Variants in RNLS observed in about 807,000 individuals in gnomAD.
RNLS encodes the protein renalase.
RNLS carries 39 observed loss-of-function variants against 39.8 expected under a neutral mutation model. That is an observed-to-expected ratio of 0.98 (90% CI 0.76 to 1.28). RNLS has a LOEUF of 1.28. Among genes scored for constraint, RNLS ranks in the 50% most tolerant of loss-of-function variants. The pLI is 0.00. For synonymous variants in RNLS, 147 were observed against 150.7 expected (o/e 0.98, Z 0.18); for missense variants, 410 against 413.3 (o/e 0.99, Z 0.07).
chr10:88,483,729 T>C (rs1429248225), intron 4 of RNLS, among the ~76,000 whole-genome samples: 1 of 152,104 alleles, frequency 6.6e-6, no homozygotes, highest in Non-Finnish European at 1.5e-5. Context: ...TTGTTCACAC[T>C]TCTTTCCAGA....
At chr10:88,287,627 G>T (rs780781131) in intron 6 of RNLS, among the ~76,000 whole-genome samples, 3 of 152,036 alleles carry the variant, frequency 2.0e-5, no homozygotes, top group African/African-American at 7.2e-5. Context: ...AAGAAAAGAG[G>T]TTTAATTGAC....
downstream of RNLS, among the ~76,000 whole-genome samples, chr10:88,270,544 T>C (rs1842620267): frequency 6.6e-6 from 1 of 152,188 alleles, no homozygotes; most frequent in South Asian, 2.1e-4. Flanking sequence ...AAACCTAAGT[T>C]TCAGCTGCCC....
chr10:88,560,410 GATCAGTCAAAAC>G (rs1199192167), intron 4 of RNLS, among the ~76,000 whole-genome samples: 1 of 151,934 alleles, frequency 6.6e-6, no homozygotes, highest in African/African-American at 2.4e-5. Context: ...TCTGGGAAAC[GATCAGTCAAAAC>G]TGGTCCCACT....
chr10:88,543,593 C>T (rs760379515), intron 4 of RNLS, among the ~76,000 whole-genome samples: 7 of 151,990 alleles, frequency 4.6e-5, no homozygotes, highest in Non-Finnish European at 1.0e-4. Flanking sequence ...GAAGAGCAAA[C>T]CTAAAATACA....
chr10:88,209,002 T>C, the RNLS span, among the ~76,000 whole-genome samples: 2 of 152,120 alleles, frequency 1.3e-5, no homozygotes, highest in African/African-American at 4.8e-5. Context: ...CAGAATCAGA[T>C]ATGATGGCTT....
the RNLS span, among the ~76,000 whole-genome samples, chr10:88,207,760 T>C: frequency 0.015 from 2,214 of 152,256 alleles, 51 homozygotes; most frequent in Middle Eastern, 0.051. Context: ...CTATCACTGC[T>C]TCTAGGATAC....
chr10:88,490,846 G>A (rs1280591569), intron 4 of RNLS, among the ~76,000 whole-genome samples: 1 of 151,768 alleles, frequency 6.6e-6, no homozygotes, highest in Admixed American at 6.6e-5. Context: ...AAAACCCTGG[G>A]GCATTTCAAA....
intron 4 of RNLS, among the ~76,000 whole-genome samples, chr10:88,427,089 A>T (rs547101779): frequency 2.6e-5 from 4 of 152,178 alleles, no homozygotes; most frequent in Admixed American, 6.6e-5. Flanking sequence ...ACCATTTTGC[A>T]AAAAGAAAAT....
the RNLS span, among the ~76,000 whole-genome samples, chr10:88,182,941 C>T: frequency 2.0e-5 from 3 of 151,986 alleles, no homozygotes; most frequent in East Asian, 1.9e-4. Context: ...CCTACATGCC[C>T]GGCACTTACC....
At chr10:88,515,691 G>T (rs1368352856) in intron 4 of RNLS, among the ~76,000 whole-genome samples, 2 of 152,008 alleles carry the variant, frequency 1.3e-5, no homozygotes, top group African/African-American at 4.8e-5. Context: ...TGTATCTTCA[G>T]CCTCTAGCCC....
intron 4 of RNLS, among the ~76,000 whole-genome samples, chr10:88,434,146 C>G (rs556702064): frequency 6.6e-6 from 1 of 152,232 alleles, no homozygotes; most frequent in African/African-American, 2.4e-5. Context: ...TTTGGAGCAT[C>G]GAGGCCATAT....
In RNLS at chr10:88,362,714, A is replaced by G; in HGVS notation, c.538T>C (p.Cys180Arg). ...QGDITTLISE[C>R]QRQQLEAVSY... Reference sequence around the variant, plus strand: ...ACAGCCTCCAGTTGCTGCCTTTGGCATTCACTAATTACTGTGGAAGAAAAA... The same window carrying G: ...ACAGCCTCCAGTTGCTGCCTTTGGCGTTCACTAATTACTGTGGAAGAAAAA... The change falls in exon 5 of 7, where the codon TGC becomes CGC. Residue 180 changes from cysteine (C) to arginine (R), a missense_variant. Physicochemically the swap from Cys to Arg is radical, Grantham distance 180 (BLOSUM62 -3). Coordinates refer to ENST00000331772, the MANE Select transcript of RNLS (RefSeq NM_001031709.3). 6.2e-7 allele frequency: 1 copy of G among 1,613,186 alleles called. No homozygotes were observed. Among genetic ancestry groups the G allele is most frequent in the South Asian group, 1.1e-5 (1 of 90,910 alleles).
Position 88,495,188 on chromosome 10 carries a change from C to T in RNLS, c.526+77715G>A, listed in dbSNP as rs77778037. ...AGCAATGTTAAATAATAAACTGGTA[C>T]AACTTCTGGACAAAGATTTTTGTAC... On this transcript the variant is annotated intron_variant, in intron 4 of 6. Coordinates refer to ENST00000331772, the MANE Select transcript of RNLS (RefSeq NM_001031709.3). Among the ~76,000 whole-genome samples the T allele has an allele frequency of 1.4e-4, 22 of 152,184 alleles. No individual in the cohort carries two copies. In the East Asian group the frequency reaches 3.5e-3, roughly 24 times the overall value.
At chr10:88,351,184 A>G (rs1055759177) in intron 5 of RNLS, among the ~76,000 whole-genome samples, 3 of 152,048 alleles carry the variant, frequency 2.0e-5, no homozygotes, top group Admixed American at 6.6e-5. Context: ...TAGGTTGCCC[A>G]TTCACTCTGA....
chr10:88,472,463 G>A (rs530460232), intron 4 of RNLS, among the ~76,000 whole-genome samples: 87 of 152,200 alleles, frequency 5.7e-4, no homozygotes, highest in African/African-American at 2.0e-3. Flanking sequence ...AGCACGATAG[G>A]CATGAAAATG....
intron 4 of RNLS, among the ~76,000 whole-genome samples, chr10:88,450,524 A>T (rs1286287356): frequency 6.6e-6 from 1 of 152,244 alleles, no homozygotes; most frequent in Admixed American, 6.5e-5. Flanking sequence ...AGAAGGCCAT[A>T]AAACCGGAAG....
intron 5 of RNLS, among the ~76,000 whole-genome samples, chr10:88,326,665 C>A (rs1192847847): frequency 6.6e-6 from 1 of 152,090 alleles, no homozygotes; most frequent in Non-Finnish European, 1.5e-5. Flanking sequence ...AGAAAACAAC[C>A]CATTTTCTGG....
At chr10:88,203,456 G>GTA in the RNLS span, among the ~76,000 whole-genome samples, 26 of 1,206 alleles carry the variant, frequency 0.022, 3 homozygotes, top group Middle Eastern at 0.5. Flanking sequence ...GTGTGTGTGT[G>GTA]TATATATATA....
intron 6 of RNLS, among the ~76,000 whole-genome samples, chr10:88,296,394 C>T (rs1844100018): frequency 1.3e-5 from 2 of 152,096 alleles, no homozygotes; most frequent in South Asian, 2.1e-4. Flanking sequence ...TTCTGCATTT[C>T]ATCTCCCATT....
Sources: allele counts gnomAD v4.1 joint callset (sites outside exome capture counted in the v4.1 genomes callset), GRCh38; gene constraint gnomAD v4.1.1; transcripts MANE v1.5; gene names NCBI Gene and HGNC (gene_info 2026-07-23, HGNC 2026-07-21).